Variants in DPP6 observed in about 807,000 individuals in gnomAD.
The protein encoded by DPP6 is dipeptidyl peptidase like 6.
In DPP6, 69 loss-of-function variants were observed where a neutral mutation model predicts 122.6. The observed-to-expected ratio is 0.56, with a 90% CI of 0.46 to 0.69. The LOEUF (loss-of-function observed/expected upper bound fraction) is 0.69. Among genes scored for constraint, DPP6 ranks in the 30% least tolerant of loss-of-function variants. The pLI is 0.00. For synonymous variants in DPP6, 418 were observed against 433.1 expected (o/e 0.97, Z 0.43); for missense variants, 928 against 1,116.9 (o/e 0.83, Z 2.41).
chr7:153,849,768 T>G, the DPP6 span, among the ~76,000 whole-genome samples: 1 of 152,220 alleles, frequency 6.6e-6, no homozygotes, highest in Non-Finnish European at 1.5e-5. Context: ...GCTATTTACT[T>G]GTATTCCACT....
At position 154,885,621 on chromosome 7, in the gene DPP6, C is replaced by T. The variant is rs749591282; in HGVS notation, c.2134-12C>T. ...AGGACTCCTAACTGTCTTCTCTCTG[C>T]GCTTTCTCCAGGATTACGGTGGCTA... On this transcript the variant is annotated splice_polypyrimidine_tract_variant and intron_variant, in intron 21 of 25. Transcript: ENST00000377770. 3.3e-5 allele frequency: 52 copies of T among 1,558,776 alleles called. No homozygotes were observed. The highest frequency in any genetic ancestry group is 4.8e-5 in the East Asian group (2 of 41,416).
chr7:153,791,531 C>T, the DPP6 span, among the ~76,000 whole-genome samples: 5 of 146,766 alleles, frequency 3.4e-5, no homozygotes, highest in South Asian at 2.2e-4. Flanking sequence ...AAGCTATTCT[C>T]CTGCCTCAGC....
intron 10 of DPP6, among the ~76,000 whole-genome samples, chr7:154,789,042 A>T (rs1370876829): frequency 1.3e-5 from 2 of 151,972 alleles, no homozygotes; most frequent in African/African-American, 2.4e-5. Context: ...ATTCTGCACC[A>T]TTTGACCCTC....
At chr7:154,827,999 G>A (rs950368273) in intron 16 of DPP6, among the ~76,000 whole-genome samples, 42 of 152,306 alleles carry the variant, frequency 2.8e-4, no homozygotes, top group Admixed American at 2.5e-3. Flanking sequence ...TGCTGGACTG[G>A]AACTGGGGGG....
chr7:154,073,158 C>G (rs1803249290), intron 1 of DPP6, among the ~76,000 whole-genome samples: 2 of 152,222 alleles, frequency 1.3e-5, no homozygotes, highest in Admixed American at 6.5e-5. Flanking sequence ...TGTAAAGTCG[C>G]TCTGTGCAGC....
At chr7:153,924,707 T>G (rs980628384) in intron 1 of DPP6, among the ~76,000 whole-genome samples, 4 of 152,168 alleles carry the variant, frequency 2.6e-5, no homozygotes, top group Non-Finnish European at 5.9e-5. Flanking sequence ...TCTGCCTTGT[T>G]GTTGATCTGA....
chr7:154,124,083 A>C (rs1807706425), intron 1 of DPP6, among the ~76,000 whole-genome samples: 1 of 150,532 alleles, frequency 6.6e-6, no homozygotes. Flanking sequence ...CACTATGATT[A>C]CCTGGGGACA....
intron 4 of DPP6, among the ~76,000 whole-genome samples, chr7:154,559,402 G>A (rs544082085): frequency 3.4e-5 from 5 of 146,998 alleles, no homozygotes; most frequent in Non-Finnish European, 4.5e-5. Flanking sequence ...GTATAAAGTA[G>A]ACTAATATAC....
At chr7:154,482,596 C>T (rs1187568506) in intron 3 of DPP6, among the ~76,000 whole-genome samples, 1 of 152,104 alleles carries the variant, frequency 6.6e-6, no homozygotes, top group Admixed American at 6.5e-5. Flanking sequence ...TTGAATAATA[C>T]TAAGTGTATT....
chr7:154,111,660 G>GTGTGTTT (rs1806589991), intron 1 of DPP6, among the ~76,000 whole-genome samples: 1 of 103,664 alleles, frequency 9.6e-6, no homozygotes, highest in African/African-American at 3.7e-5. Flanking sequence ...TGTGTGTGTT[G>GTGTGTTT]CTTTGTTTGC....
chr7:153,874,243 T>TGC, the DPP6 span, among the ~76,000 whole-genome samples: 17 of 125,170 alleles, frequency 1.4e-4, 1 homozygote, highest in Admixed American at 1.2e-3. Flanking sequence ...TAAGCGCGCG[T>TGC]GCGCACATGC....
the DPP6 span, among the ~76,000 whole-genome samples, chr7:153,793,484 T>TA: frequency 2.7e-5 from 4 of 148,090 alleles, no homozygotes; most frequent in Non-Finnish European, 6.0e-5. Context: ...ATTCAAGAGG[T>TA]AACTTGGGTG....
At chr7:154,273,808 A>T (rs1337341262) in intron 1 of DPP6, among the ~76,000 whole-genome samples, 1 of 152,268 alleles carries the variant, frequency 6.6e-6, no homozygotes, top group Non-Finnish European at 1.5e-5. Context: ...AGAAACAGTT[A>T]CAGCAGCACC....
At chr7:154,356,529 C>T (rs1472823732) in intron 1 of DPP6, among the ~76,000 whole-genome samples, 3 of 152,064 alleles carry the variant, frequency 2.0e-5, no homozygotes, top group African/African-American at 7.2e-5. Flanking sequence ...GATTGTACCA[C>T]TGCACTCCAG....
At position 154,867,988 on chromosome 7, in the gene DPP6, C is replaced by G. The variant is rs1343765616; in HGVS notation, c.1715-7C>G. On this transcript the variant is annotated splice_region_variant and splice_polypyrimidine_tract_variant and intron_variant, in intron 17 of 25. Transcript: ENST00000377770. ...ATCTCAGTGTGTCCCTGTTTCCTCT[C>G]TTTCAGAAATGTTTGACCTAGAAAC... 1 of 1,588,948 alleles carries G rather than the reference C, an allele frequency of 6.3e-7. No homozygotes were observed.
chr7:154,364,254 C>G (rs1417125905), intron 1 of DPP6, among the ~76,000 whole-genome samples: 2 of 152,124 alleles, frequency 1.3e-5, no homozygotes, highest in African/African-American at 4.8e-5. Context: ...TGAAATTCAC[C>G]ATACTCACAT....
chr7:154,588,224 G>T, intron 5 of DPP6: 2 of 1,418,676 alleles, frequency 1.4e-6, no homozygotes, highest in Non-Finnish European at 9.3e-7. Context: ...CCCAGAGGAG[G>T]GAGGGAGGGA....
chr7:154,507,162 A>T (rs1342779201), intron 3 of DPP6, among the ~76,000 whole-genome samples: 1 of 152,210 alleles, frequency 6.6e-6, no homozygotes, highest in Middle Eastern at 3.2e-3. Context: ...AAGTTGAGTG[A>T]TGGAAGGCTC....
intron 1 of DPP6, among the ~76,000 whole-genome samples, chr7:154,036,973 A>T (rs559247750): frequency 6.6e-6 from 1 of 152,334 alleles, no homozygotes; most frequent in South Asian, 2.1e-4. Flanking sequence ...ATCCCAAGGC[A>T]AAAGGAAATT....
Sources: allele counts gnomAD v4.1 joint callset (sites outside exome capture counted in the v4.1 genomes callset), GRCh38; gene constraint gnomAD v4.1.1; transcripts MANE v1.5; gene names NCBI Gene and HGNC (gene_info 2026-07-23, HGNC 2026-07-21).